Variants in DRC11 observed in about 807,000 individuals in gnomAD.
DRC11 encodes IQ and AAA domain-containing protein 1.
chr2:236,408,437 G>A, the DRC11 span: 4 of 740,114 alleles, frequency 5.4e-6, no homozygotes, highest in African/African-American at 5.2e-5. This position sits in a 1 kb window ranked among gnomAD's most constrained non-coding sequence, Gnocchi z 5.5. Flanking sequence ...ATCTCATCCT[G>A]CCCAAACACT....
chr2:236,336,747 G>A, the DRC11 span, among the ~76,000 whole-genome samples: 2 of 152,010 alleles, frequency 1.3e-5, no homozygotes, highest in African/African-American at 2.4e-5. The surrounding 1 kb of genome is among the most constrained non-coding windows in gnomAD (Gnocchi z 7.3). Context: ...CAGCACCATC[G>A]CCATCTTACC....
the DRC11 span, chr2:236,331,387 A>T: frequency 6.2e-7 from 1 of 1,613,670 alleles, no homozygotes; most frequent in Non-Finnish European, 8.5e-7. The surrounding 1 kb of genome is among the most constrained non-coding windows in gnomAD (Gnocchi z 4.8). Context: ...CTCTTTGTAC[A>T]CTGGATTCAT....
At chr2:236,361,348 G>C in the DRC11 span, among the ~76,000 whole-genome samples, 1 of 152,116 alleles carries the variant, frequency 6.6e-6, no homozygotes, top group Non-Finnish European at 1.5e-5. This position sits in a 1 kb window ranked among gnomAD's most constrained non-coding sequence, Gnocchi z 5.7. Context: ...ATGATACCAG[G>C]TGAAAACTTA....
chr2:236,399,430 C>T, the DRC11 span: 2 of 1,613,716 alleles, frequency 1.2e-6, no homozygotes, highest in Non-Finnish European at 1.7e-6. This position sits in a 1 kb window ranked among gnomAD's most constrained non-coding sequence, Gnocchi z 7.0. Flanking sequence ...TGCGTTACAT[C>T]CTTCCTTCAT....
chr2:236,484,361 AT>A, the DRC11 span, among the ~76,000 whole-genome samples: 1 of 152,130 alleles, frequency 6.6e-6, no homozygotes. Context: ...TTTATCTGTA[AT>A]TTTTTAGACA....
the DRC11 span, among the ~76,000 whole-genome samples, chr2:236,348,011 G>C: frequency 2.6e-5 from 4 of 152,276 alleles, no homozygotes; most frequent in East Asian, 7.7e-4. This position sits in a 1 kb window ranked among gnomAD's most constrained non-coding sequence, Gnocchi z 7.4. Context: ...TTGCCCCCGA[G>C]CTTTCATCAA....
At chr2:236,479,478 C>T in the DRC11 span, among the ~76,000 whole-genome samples, 35 of 151,786 alleles carry the variant, frequency 2.3e-4, no homozygotes, top group South Asian at 4.2e-4. This position sits in a 1 kb window ranked among gnomAD's most constrained non-coding sequence, Gnocchi z 4.1. Context: ...TAATTAATTG[C>T]TTTTTTATTT....
chr2:236,335,285 T>A, the DRC11 span, among the ~76,000 whole-genome samples: 1 of 152,218 alleles, frequency 6.6e-6, no homozygotes, highest in Non-Finnish European at 1.5e-5. This position sits in a 1 kb window ranked among gnomAD's most constrained non-coding sequence, Gnocchi z 5.6. Context: ...GTAAGACAGA[T>A]GTCCCAGCCA....
At chr2:236,350,536 C>T in the DRC11 span, among the ~76,000 whole-genome samples, 5 of 152,208 alleles carry the variant, frequency 3.3e-5, no homozygotes, top group Admixed American at 6.5e-5. This position sits in a 1 kb window ranked among gnomAD's most constrained non-coding sequence, Gnocchi z 5.2. Flanking sequence ...GTGCCAAGCA[C>T]AGCCAGCGGC....
chr2:236,457,186 G>A, the DRC11 span, among the ~76,000 whole-genome samples: 2 of 152,206 alleles, frequency 1.3e-5, no homozygotes, highest in Non-Finnish European at 2.9e-5. This position sits in a 1 kb window ranked among gnomAD's most constrained non-coding sequence, Gnocchi z 4.7. Context: ...GTGTACCCAT[G>A]ACTGCTTTGT....
the DRC11 span, among the ~76,000 whole-genome samples, chr2:236,358,391 TG>T: frequency 7.6e-6 from 1 of 132,112 alleles, no homozygotes; most frequent in African/African-American, 2.8e-5. Context: ...TTATGATATA[TG>T]AATATCATAT....
the DRC11 span, among the ~76,000 whole-genome samples, chr2:236,453,972 CCT>C: frequency 6.6e-6 from 1 of 152,072 alleles, no homozygotes; most frequent in Non-Finnish European, 1.5e-5. This position sits in a 1 kb window ranked among gnomAD's most constrained non-coding sequence, Gnocchi z 4.9. Flanking sequence ...GTGTCCTTCC[CCT>C]CTTTAGAGTG....
the DRC11 span, among the ~76,000 whole-genome samples, chr2:236,323,467 G>C: frequency 6.6e-6 from 1 of 152,214 alleles, no homozygotes; most frequent in African/African-American, 2.4e-5. The surrounding 1 kb of genome is among the most constrained non-coding windows in gnomAD (Gnocchi z 6.4). Context: ...TTCGTGGGGA[G>C]TGCGGAACTG....
the DRC11 span, among the ~76,000 whole-genome samples, chr2:236,504,242 T>C: frequency 6.6e-6 from 1 of 151,904 alleles, no homozygotes; most frequent in South Asian, 2.1e-4. This position sits in a 1 kb window ranked among gnomAD's most constrained non-coding sequence, Gnocchi z 5.0. Flanking sequence ...CTCGGTGCGG[T>C]GTCCTCAAAA....
the DRC11 span, among the ~76,000 whole-genome samples, chr2:236,490,423 T>C: frequency 6.6e-6 from 1 of 152,236 alleles, no homozygotes; most frequent in African/African-American, 2.4e-5. The surrounding 1 kb of genome is among the most constrained non-coding windows in gnomAD (Gnocchi z 5.5). Flanking sequence ...CTCTTTCACA[T>C]AACAATCCCT....
the DRC11 span, among the ~76,000 whole-genome samples, chr2:236,311,761 G>A: frequency 6.7e-6 from 1 of 150,186 alleles, no homozygotes; most frequent in African/African-American, 2.5e-5. This position sits in a 1 kb window ranked among gnomAD's most constrained non-coding sequence, Gnocchi z 6.9. Flanking sequence ...TGTCTCACTG[G>A]GCCTCCTCTT....
the DRC11 span, among the ~76,000 whole-genome samples, chr2:236,506,348 A>T: frequency 6.6e-6 from 1 of 152,198 alleles, no homozygotes; most frequent in Non-Finnish European, 1.5e-5. This position sits in a 1 kb window ranked among gnomAD's most constrained non-coding sequence, Gnocchi z 4.9. Context: ...TCGCTCCTGA[A>T]CCCAAGATCT....
At chr2:236,380,077 C>T in the DRC11 span, among the ~76,000 whole-genome samples, 1 of 152,238 alleles carries the variant, frequency 6.6e-6, no homozygotes, top group Non-Finnish European at 1.5e-5. This position sits in a 1 kb window ranked among gnomAD's most constrained non-coding sequence, Gnocchi z 4.9. Context: ...CAGGCCACTT[C>T]AAGTTAAAAA....
chr2:236,328,745 C>T, the DRC11 span, among the ~76,000 whole-genome samples: 2 of 152,150 alleles, frequency 1.3e-5, no homozygotes, highest in African/African-American at 4.8e-5. This position sits in a 1 kb window ranked among gnomAD's most constrained non-coding sequence, Gnocchi z 6.7. Context: ...TATCGAGACC[C>T]CGTACAGAAT....
Sources: gnomAD v4.1 joint callset for allele counts (sites outside exome capture counted in the v4.1 genomes callset) on GRCh38, gnomAD v4.1.1 for gene constraint, Gnocchi (gnomAD v3.1) non-coding constraint, MANE v1.5 for transcripts, NCBI Gene and HGNC (gene_info 2026-07-23, HGNC 2026-07-21) for gene names.